ATP11A: variants seen among roughly 807,000 people sequenced by gnomAD.
The protein encoded by ATP11A is ATPase phospholipid transporting 11A, also known as phospholipid-transporting ATPase IH.
Under a neutral mutation model 154.4 loss-of-function variants are expected in ATP11A, and 81 were observed. That is an observed-to-expected ratio of 0.52 (90% confidence interval 0.44 to 0.63). The LOEUF (loss-of-function observed/expected upper bound fraction) is 0.63. Ranked by LOEUF, ATP11A falls within the 30% of genes least tolerant of loss-of-function variation. The pLI is 0.00. For synonymous variants in ATP11A, 623 were observed against 585.9 expected, an observed-to-expected ratio of 1.06 and a Z score of -0.91; for missense variants, 1,316 against 1,474.3, an observed-to-expected ratio of 0.89 and a Z score of 1.76.
rs2277433 is a variant in ATP11A at position 112,819,315 on chromosome 13, G to T, written c.582G>T (p.Ala194=). The T allele has an allele frequency of 4.3e-6, 7 of 1,614,126 alleles. No homozygotes were observed. The South Asian group carries it at 6.6e-5, about 15-fold the overall frequency. The change falls in exon 7 of 30, where the codon GCG becomes GCT. Residue 194 remains alanine (A), a synonymous_variant. Coordinates refer to ENST00000375645, the MANE Select transcript of ATP11A (RefSeq NM_015205.3). ...DGESSHKTHY[A]VQDTKGFHTE... The stretch of plus-strand genomic sequence containing the variant: ...TTGTGCATTTGTAGACGCATTACGC[G>T]GTCCAGGACACCAAAGGCTTCCACA...
At chr13:112,729,032 T>C (rs1317081360) in intron 1 of ATP11A, among the ~76,000 whole-genome samples, 1 of 152,182 alleles carries the variant, frequency 6.6e-6, no homozygotes, top group East Asian at 1.9e-4. Flanking sequence ...TGGTTAGTTT[T>C]TTAACACATT....
chr13:112,735,449 C>T (rs116167849), intron 1 of ATP11A, among the ~76,000 whole-genome samples: 1 of 152,148 alleles, frequency 6.6e-6, no homozygotes, highest in Non-Finnish European at 1.5e-5. Context: ...ACGGGTTTGT[C>T]AACAGAACTC....
At chr13:112,768,795 G>T (rs1283912606) in intron 1 of ATP11A, among the ~76,000 whole-genome samples, 2 of 152,154 alleles carry the variant, frequency 1.3e-5, no homozygotes, top group Non-Finnish European at 2.9e-5. Flanking sequence ...AGTGTTTTCC[G>T]GTGGCTTGGG....
intron 1 of ATP11A, among the ~76,000 whole-genome samples, chr13:112,695,567 T>C (rs910068501): frequency 7.2e-5 from 11 of 152,228 alleles, no homozygotes; most frequent in Non-Finnish European, 1.6e-4. Context: ...GTGAATTTAA[T>C]AACCTAGAGG....
rs548063281 is a variant in ATP11A, at chr13:112,883,188, C to T, written c.*1322C>T. ...ATACCCTCGTCCCCATGTCCCCACG[C>T]AGGGCTCTCCTTCGTCTTAGGATCT... On this transcript the variant is annotated 3_prime_UTR_variant, in exon 30 of 30. Coordinates refer to ENST00000375645, the MANE Select transcript of ATP11A (RefSeq NM_015205.3). 1.3e-5 allele frequency: 5 copies of T among 398,742 alleles called. No homozygotes were observed. In the South Asian group the frequency reaches 3.8e-4, roughly 30 times the overall value. The allele number at this position is 398,742 out of a possible 1,614,324, so 24.7% of individuals were successfully genotyped here. A position where few individuals can be genotyped will look rare whatever the true frequency, so the allele number is the denominator to read the frequency against.
intron 23 of ATP11A, 38 bp from the exon 24 acceptor site, chr13:112,860,249 G>T: frequency 6.3e-7 from 1 of 1,599,012 alleles, no homozygotes; most frequent in Non-Finnish European, 8.5e-7. Context: ...TTGTAACAAT[G>T]CACTGAGGTG....
Position 112,690,085 on chromosome 13 carries a change from A to G in ATP11A, c.-332A>G, listed in dbSNP as rs1345017525. Among the ~76,000 whole-genome samples the G allele has an allele frequency of 6.7e-6, 1 of 148,450 alleles. No homozygotes were observed. The highest frequency in any genetic ancestry group is 1.5e-5 in the Non-Finnish European group (1 of 66,514). ...AGGAGACTCGGGAGGAGCAGAGCGC[A>G]GGCTCCGCCGCGGCCGGGGTGCTCC... On this transcript the variant is annotated 5_prime_UTR_variant, in exon 1 of 30. Transcript: ENST00000375645. The surrounding 1 kb of genome is among the most constrained non-coding windows in gnomAD (Gnocchi z 5.6).
At chr13:112,762,108 G>A (rs371738158) in intron 1 of ATP11A, among the ~76,000 whole-genome samples, 2 of 152,278 alleles carry the variant, frequency 1.3e-5, no homozygotes, top group East Asian at 1.9e-4. Flanking sequence ...ATGGAGACTC[G>A]TGCTTATGAG....
Position 112,740,140 on chromosome 13 carries a change from CTCTCTCTCTATATA to C in ATP11A, c.40-44993_40-44980del, listed in dbSNP as rs1310088884. ...TAGCATGTGAATTCTCTCTCTCTCTCTCTCTCTCTATATATATATATATATATATAGATATCTAT... is the reference window on the plus strand; with the variant it reads ...TAGCATGTGAATTCTCTCTCTCTCTCTATATATATATATATAGATATCTAT... On this transcript the variant is annotated intron_variant, in intron 1 of 29. Coordinates refer to ENST00000375645, the MANE Select transcript of ATP11A (RefSeq NM_015205.3). 1.6e-4 allele frequency among the ~76,000 whole-genome samples: 17 copies of C among 103,728 alleles called. No homozygotes were observed. The East Asian group carries it at 2.1e-3, about 13-fold the overall frequency. The allele number at this position is 103,728 out of a possible 152,430, so 68.0% of individuals were successfully genotyped here. A position where few individuals can be genotyped will look rare whatever the true frequency, so the allele number is the denominator to read the frequency against.
chr13:112,713,224 G>A (rs1017921231), intron 1 of ATP11A, among the ~76,000 whole-genome samples: 1 of 152,182 alleles, frequency 6.6e-6, no homozygotes, highest in South Asian at 2.1e-4. Context: ...GTGAAACCCC[G>A]TCTCTACTAA....
chr13:112,802,188 CA>C (rs573243269), intron 2 of ATP11A, among the ~76,000 whole-genome samples: 6 of 151,540 alleles, frequency 4.0e-5, no homozygotes, highest in African/African-American at 1.2e-4. Context: ...ACTAAAAATA[CA>C]AAAAAAATTA....
At chr13:112,797,146 G>T (rs1265219191) in intron 2 of ATP11A, among the ~76,000 whole-genome samples, 3 of 151,772 alleles carry the variant, frequency 2.0e-5, no homozygotes, top group African/African-American at 7.3e-5. Context: ...AGCCAGGTGT[G>T]GTGGCAGGTG....
chr13:112,732,215 A>G (rs117665124), intron 1 of ATP11A, among the ~76,000 whole-genome samples: 6 of 152,312 alleles, frequency 3.9e-5, no homozygotes, highest in Non-Finnish European at 7.3e-5. Flanking sequence ...TGGTTCCTCC[A>G]TTGCACTCAG....
At chr13:112,772,373 G>A (rs2077246582) in intron 1 of ATP11A, among the ~76,000 whole-genome samples, 1 of 152,218 alleles carries the variant, frequency 6.6e-6, no homozygotes, top group Non-Finnish European at 1.5e-5. Flanking sequence ...GCAGGGCAGT[G>A]AGCAGTGCTC....
intron 4 of ATP11A, among the ~76,000 whole-genome samples, chr13:112,808,390 G>A (rs1160457729): frequency 3.3e-5 from 5 of 152,054 alleles, no homozygotes; most frequent in East Asian, 1.9e-4. Context: ...TTCCTCTCCC[G>A]CGCGTCCTGC....
At chr13:112,698,321 C>T (rs911457737) in intron 1 of ATP11A, among the ~76,000 whole-genome samples, 10 of 152,148 alleles carry the variant, frequency 6.6e-5, no homozygotes, top group African/African-American at 2.4e-4. Context: ...CCACCCGGTC[C>T]CAAGGAGGAC....
chr13:112,784,647 T>C (rs1184713586), intron 1 of ATP11A, among the ~76,000 whole-genome samples: 2 of 151,826 alleles, frequency 1.3e-5, no homozygotes, highest in African/African-American at 2.4e-5. Flanking sequence ...CTCAGCCTCC[T>C]GAGTAGCTGG....
At chr13:112,831,990 A>G (rs767797369) in intron 13 of ATP11A, among the ~76,000 whole-genome samples, 1 of 151,770 alleles carries the variant, frequency 6.6e-6, no homozygotes, top group Non-Finnish European at 1.5e-5. Context: ...CCGTGTGCAC[A>G]CACAGACACA....
intron 22 of ATP11A, 51 bp downstream of exon 22, chr13:112,858,341 G>A (rs770618194): frequency 1.3e-6 from 2 of 1,560,074 alleles, no homozygotes; most frequent in African/African-American, 1.4e-5. Context: ...GTCACGCACA[G>A]GGTGGCACGA....
Sources: allele counts gnomAD v4.1 joint callset (sites outside exome capture counted in the v4.1 genomes callset), GRCh38; gene constraint gnomAD v4.1.1; non-coding constraint Gnocchi (gnomAD v3.1); transcripts MANE v1.5; gene names NCBI Gene and HGNC (gene_info 2026-07-23, HGNC 2026-07-21).